TCF20: variants seen among roughly 807,000 people sequenced by gnomAD.
The protein encoded by TCF20 is SPRE-binding protein.
Under a neutral mutation model 148.6 loss-of-function variants are expected in TCF20, and 3 were observed. The ratio of observed to expected loss-of-function variants is 0.02; its 90% CI spans 0.01 to 0.05. The LOEUF (loss-of-function observed/expected upper bound fraction) is 0.05. Ranked by LOEUF, TCF20 falls within the 10% of genes least tolerant of loss-of-function variation. TCF20 has a pLI of 1.00. For synonymous variants in TCF20, 1,049 were observed against 909.5 expected (o/e 1.15, Z -2.76); for missense variants, 2,350 against 2,429.3 (o/e 0.97, Z 0.69).
At chr22:42,235,945 G>A (rs984237604) in intron 1 of TCF20, among the ~76,000 whole-genome samples, 3 of 152,300 alleles carry the variant, frequency 2.0e-5, no homozygotes, top group African/African-American at 4.8e-5. Context: ...TATAATCCCA[G>A]CACTTTGGGA....
At position 42,213,560 on chromosome 22, in the gene TCF20, G is replaced by T. The variant is rs1250619875; in HGVS notation, c.1746C>A (p.Thr582=). The change falls in exon 2 of 6, where the codon ACC becomes ACA. Residue 582 remains threonine (T), a synonymous_variant. Transcript: ENST00000677622. ...NASPAAREEA[T]SPGAKDMPLS... ...ATGGCATGTCCTTAGCGCCTGGTGA[G>T]GTGGCCTCTTCTCTTGCGGCAGGAC... 1 of 1,614,192 alleles carries T rather than the reference G, an allele frequency of 6.2e-7. No individual in the cohort carries two copies. Among genetic ancestry groups the T allele is most frequent in the South Asian group, 1.1e-5 (1 of 91,086 alleles).
intron 2 of TCF20, among the ~76,000 whole-genome samples, chr22:42,192,086 G>C (rs1187120577): frequency 6.6e-6 from 1 of 152,162 alleles, no homozygotes; most frequent in Non-Finnish European, 1.5e-5. Context: ...TCTTTTTAAA[G>C]AAATTACACT....
rs902927483 is a variant in TCF20, at chr22:42,240,226, G to A, written c.-36-24885C>T. Among the ~76,000 whole-genome samples, 4 of 152,120 alleles carry A rather than the reference G, an allele frequency of 2.6e-5. No homozygotes were observed. In the South Asian group the frequency reaches 6.2e-4, roughly 24 times the overall value. On this transcript the variant is annotated intron_variant, in intron 1 of 5. Transcript: ENST00000677622. ...CTTGACGTCACATTGCAAACAAGGGGCAGAGCTGGGATTCAAAAATCAGGC... is the reference window on the plus strand; with the variant it reads ...CTTGACGTCACATTGCAAACAAGGGACAGAGCTGGGATTCAAAAATCAGGC...
At chr22:42,339,905 G>A (rs140198269) in intron 1 of TCF20, among the ~76,000 whole-genome samples, 3 of 152,332 alleles carry the variant, frequency 2.0e-5, no homozygotes, top group Middle Eastern at 3.4e-3. Flanking sequence ...CAGGATGCAC[G>A]AAAGAGTTTT....
chr22:42,287,097 G>A (rs980353738), upstream of TCF20, among the ~76,000 whole-genome samples: 1 of 152,108 alleles, frequency 6.6e-6, no homozygotes, highest in African/African-American at 2.4e-5. Flanking sequence ...ATGGATAGGA[G>A]GGTATGGGCA....
intron 1 of TCF20, among the ~76,000 whole-genome samples, chr22:42,246,774 T>C (rs1466864260): frequency 6.6e-6 from 1 of 151,832 alleles, no homozygotes; most frequent in African/African-American, 2.4e-5. Context: ...GAGACCAGCC[T>C]GGCCAACATG....
intron 1 of TCF20, among the ~76,000 whole-genome samples, chr22:42,327,680 A>G (rs1927898888): frequency 6.6e-6 from 1 of 151,762 alleles, no homozygotes; most frequent in Admixed American, 6.6e-5. Context: ...GACTGAATGC[A>G]GAGGAAGAGG....
intron 1 of TCF20, among the ~76,000 whole-genome samples, chr22:42,265,644 AGAAT>A (rs1477259492): frequency 1.3e-5 from 2 of 152,240 alleles, no homozygotes; most frequent in Non-Finnish European, 2.9e-5. Flanking sequence ...AGCCCCAGAC[AGAAT>A]GAATGAGTAC....
At chr22:42,206,455 A>C (rs949343249) in intron 2 of TCF20, among the ~76,000 whole-genome samples, 2 of 152,226 alleles carry the variant, frequency 1.3e-5, no homozygotes, top group Non-Finnish European at 1.5e-5. Context: ...CTTTCCAAGG[A>C]AAGTTGGGAA....
At chr22:42,261,823 T>A (rs546089213) in intron 1 of TCF20, among the ~76,000 whole-genome samples, 1 of 152,210 alleles carries the variant, frequency 6.6e-6, no homozygotes, top group South Asian at 2.1e-4. Context: ...GGAACCTGTC[T>A]CTACTAAAAA....
At chr22:42,272,140 C>T (rs984762022), upstream of TCF20, among the ~76,000 whole-genome samples, 8 of 152,256 alleles carry the variant, frequency 5.3e-5, no homozygotes, top group East Asian at 5.8e-4. Context: ...ATGCCAGGCT[C>T]TTCCGGGGCA....
Position 42,211,955 on chromosome 22 carries a change from C to T in TCF20, c.3351G>A (p.Glu1117=). The change falls in exon 2 of 6, where the codon GAG becomes GAA. Residue 1117 remains glutamate (E), a synonymous_variant. Coordinates refer to ENST00000677622, the MANE Select transcript of TCF20 (RefSeq NM_001378418.1). The part of the protein sequence containing the change: ...GVIAAAQHRQ[E]GPRKSPRQQQ... ...GCTGCCTTGGACTCTTCCGTGGCCC[C>T]TCCTGCCTGTGCTGTGCTGCAGCAA... The T allele has an allele frequency of 6.2e-7, 1 of 1,614,198 alleles. No individual in the cohort carries two copies. Among genetic ancestry groups the T allele is most frequent in the African/African-American group, 1.3e-5 (1 of 75,042 alleles).
chr22:42,161,100 C>G lies in TCF20; in HGVS notation c.*303G>C. ...TCCCTTTTAATTCCCCCCACCCTTT[C>G]CCCATCATCCCACCCCTCCCCCCTC... On this transcript the variant is annotated 3_prime_UTR_variant, in exon 6 of 6. Transcript: ENST00000677622. 8 of 215,288 alleles carry G rather than the reference C, an allele frequency of 3.7e-5. No individual in the cohort carries two copies. Among genetic ancestry groups the G allele is most frequent in the Non-Finnish European group, 6.4e-5 (7 of 109,432 alleles). The allele number at this position is 215,288 out of a possible 1,614,324, so 13.3% of individuals were successfully genotyped here.
At chr22:42,321,104 G>A (rs1927725007) in intron 1 of TCF20, among the ~76,000 whole-genome samples, 1 of 152,258 alleles carries the variant, frequency 6.6e-6, no homozygotes, top group Non-Finnish European at 1.5e-5. Context: ...CCGCGCGCAA[G>A]CAATTCAGGA....
chr22:42,244,639 G>T (rs1924755693), intron 1 of TCF20, among the ~76,000 whole-genome samples: 1 of 152,192 alleles, frequency 6.6e-6, no homozygotes, highest in African/African-American at 2.4e-5. Context: ...GCAGAAGAGG[G>T]CAAGGGGAGT....
chr22:42,194,371 G>C (rs940082688), intron 2 of TCF20, among the ~76,000 whole-genome samples: 2 of 152,180 alleles, frequency 1.3e-5, no homozygotes, highest in Non-Finnish European at 2.9e-5. Context: ...GGTTTCTGTG[G>C]CACTGCTAAA....
At chr22:42,165,366 G>A (rs2147039960) in intron 5 of TCF20, among the ~76,000 whole-genome samples, 1 of 152,362 alleles carries the variant, frequency 6.6e-6, no homozygotes, top group South Asian at 2.1e-4. Flanking sequence ...TCAAGGTTAT[G>A]CTTCCCATGT....
chr22:42,168,680 G>A lies in TCF20; in HGVS notation c.5856C>T (p.Leu1952=), dbSNP rs763509263. Residue 1952 remains leucine, a synonymous_variant, in exon 5 of 6, where the codon CTC becomes CTT. Transcript: ENST00000677622. ...PLQNKTAKGS[L]STEQSERG is the part of the protein sequence containing the mutation. Reference sequence around the variant, plus strand: ...ACCCCCGCTCCGACTGCTCTGTGCTGAGGCTGCCTTTCGCGGTCTTGTTCT... The same window carrying A: ...ACCCCCGCTCCGACTGCTCTGTGCTAAGGCTGCCTTTCGCGGTCTTGTTCT... 2.5e-6 allele frequency: 4 copies of A among 1,610,364 alleles called. No homozygotes were observed. Among genetic ancestry groups the A allele is most frequent in the Non-Finnish European group, 2.5e-6 (3 of 1,178,644 alleles).
chr22:42,265,104 C>T (rs748941774), intron 1 of TCF20, among the ~76,000 whole-genome samples: 2 of 152,192 alleles, frequency 1.3e-5, no homozygotes, highest in African/African-American at 2.4e-5. Flanking sequence ...TGCTGGGTCA[C>T]GCATATTACC....
Sources: gnomAD v4.1 joint callset for allele counts (sites outside exome capture counted in the v4.1 genomes callset) on GRCh38, gnomAD v4.1.1 for gene constraint, MANE v1.5 for transcripts, NCBI Gene and HGNC (gene_info 2026-07-23, HGNC 2026-07-21) for gene names.